The following CCDC91 variants were observed in gnomAD, a reference collection of about 807,000 sequenced individuals.
CCDC91 encodes the protein coiled-coil domain-containing protein 91.
Under a neutral mutation model 63.2 loss-of-function variants are expected in CCDC91, and 48 were observed. The ratio of observed to expected loss-of-function variants is 0.76; its 90% CI spans 0.60 to 0.97. The LOEUF (loss-of-function observed/expected upper bound fraction) is 0.97. Ranked by LOEUF, CCDC91 falls within the 50% of genes least tolerant of loss-of-function variation. CCDC91 has a pLI of 0.00. For missense variants in CCDC91, 500 were observed against 494.6 expected, an observed-to-expected ratio of 1.01 and a Z score of -0.10; for synonymous variants, 167 against 165.8, an observed-to-expected ratio of 1.01 and a Z score of -0.06.
At chr12:28,258,417 A>T (rs1438560898) in intron 2 of CCDC91, among the ~76,000 whole-genome samples, 5 of 152,034 alleles carry the variant, frequency 3.3e-5, no homozygotes, top group African/African-American at 1.2e-4. Context: ...GGAAAAAAAT[A>T]CAGTGGATAG....
chr12:28,412,878 C>A (rs1947405312), intron 8 of CCDC91: 1 of 430,444 alleles, frequency 2.3e-6, no homozygotes, highest in African/African-American at 2.0e-5. Flanking sequence ...TTCCCCAACT[C>A]CCTACTCGAC....
chr12:28,399,280 G>C (rs1946472577), intron 8 of CCDC91, among the ~76,000 whole-genome samples: 1 of 152,092 alleles, frequency 6.6e-6, no homozygotes, highest in South Asian at 2.1e-4. Flanking sequence ...CCGAGCAAAG[G>C]GGGAAAAGCC....
intron 11 of CCDC91, among the ~76,000 whole-genome samples, chr12:28,476,981 A>G (rs1228020903): frequency 2.0e-5 from 3 of 152,146 alleles, no homozygotes; most frequent in Non-Finnish European, 4.4e-5. Context: ...ATAATAATTA[A>G]TAGCTTACCA....
intron 12 of CCDC91, among the ~76,000 whole-genome samples, chr12:28,490,334 G>A (rs1292187250): frequency 2.6e-5 from 4 of 151,776 alleles, no homozygotes; most frequent in Admixed American, 6.6e-5. Context: ...ATATTAAAAA[G>A]CATACTATAC....
chr12:28,332,506 AT>A (rs1400010138), intron 6 of CCDC91, among the ~76,000 whole-genome samples: 2 of 152,222 alleles, frequency 1.3e-5, no homozygotes, highest in Non-Finnish European at 2.9e-5. Context: ...ATACCTGTAT[AT>A]TACCTTTCAT....
intron 7 of CCDC91, among the ~76,000 whole-genome samples, chr12:28,382,411 A>G (rs1410973886): frequency 1.3e-5 from 2 of 152,170 alleles, no homozygotes; most frequent in African/African-American, 4.8e-5. Flanking sequence ...AAAAGTAGGT[A>G]ATTTAACTCT....
At chr12:28,437,932 T>C (rs1948994098) in intron 8 of CCDC91, among the ~76,000 whole-genome samples, 1 of 152,124 alleles carries the variant, frequency 6.6e-6, no homozygotes, top group Admixed American at 6.6e-5. Flanking sequence ...TTAGGCACAT[T>C]ACCATATAAT....
At chr12:28,484,250 T>C in intron 12 of CCDC91, 85 bp downstream of exon 12, 1 of 658,628 alleles carries the variant, frequency 1.5e-6, no homozygotes, top group Non-Finnish European at 2.5e-6. Flanking sequence ...TTGTAAAATA[T>C]TTAAAATGTC....
chr12:28,547,727 T>C (rs1338135754), intron 12 of CCDC91, among the ~76,000 whole-genome samples: 1 of 152,162 alleles, frequency 6.6e-6, no homozygotes, highest in East Asian at 1.9e-4. Context: ...TTCAGTATAG[T>C]TCAATGATTT....
intron 9 of CCDC91, 34 bp from the exon 10 acceptor site, chr12:28,450,316 T>C: frequency 6.3e-7 from 1 of 1,595,330 alleles, no homozygotes; most frequent in Non-Finnish European, 8.6e-7. Context: ...AATAATACAT[T>C]TAATGTCTTT....
intron 1 of CCDC91, among the ~76,000 whole-genome samples, chr12:28,193,436 A>G (rs951845502): frequency 1.3e-5 from 2 of 152,140 alleles, no homozygotes; most frequent in Non-Finnish European, 2.9e-5. Context: ...CTCCGTCTCT[A>G]CTAAAAATAC....
intron 1 of CCDC91, among the ~76,000 whole-genome samples, chr12:28,224,515 T>C (rs1223491625): frequency 2.0e-5 from 3 of 152,152 alleles, no homozygotes; most frequent in African/African-American, 4.8e-5. Flanking sequence ...AGCTTTTTCA[T>C]TGTGCTTTGA....
intron 7 of CCDC91, among the ~76,000 whole-genome samples, chr12:28,364,625 A>G (rs948415568): frequency 6.6e-6 from 1 of 152,210 alleles, no homozygotes; most frequent in Non-Finnish European, 1.5e-5. Context: ...ATAACCATGG[A>G]TGAGAAATGT....
intron 1 of CCDC91, among the ~76,000 whole-genome samples, chr12:28,228,313 A>G (rs751401008): frequency 6.6e-6 from 1 of 152,120 alleles, no homozygotes; most frequent in African/African-American, 2.4e-5. Flanking sequence ...CATGAAGAGT[A>G]AATTACTATC....
Position 28,294,149 on chromosome 12 carries a change from A to G in CCDC91, c.110-11500A>G, listed in dbSNP as rs1949408160. 1.3e-5 allele frequency among the ~76,000 whole-genome samples: 2 copies of G among 152,164 alleles called. 1 individual carries two copies. The highest frequency in any genetic ancestry group is 4.1e-4 in the South Asian group (2 of 4,822). ...CATTTATGAAATGGTTGTTATAGGG[A>G]GGACGAAATAAGTTGACACACACAC... On this transcript the variant is annotated intron_variant, in intron 3 of 12. Transcript: ENST00000536442.
chr12:28,236,867 T>C (rs1301718208), intron 1 of CCDC91: 2 of 152,154 alleles, frequency 1.3e-5, no homozygotes, highest in East Asian at 3.8e-4. Flanking sequence ...AAAAATACTT[T>C]TTTATTTTAT....
intron 11 of CCDC91, among the ~76,000 whole-genome samples, chr12:28,468,354 A>G (rs1462397096): frequency 6.6e-6 from 1 of 151,780 alleles, no homozygotes; most frequent in East Asian, 1.9e-4. Context: ...GAAATTGACA[A>G]ATTTGTAGTT....
chr12:28,491,871 G>A lies in CCDC91; in HGVS notation c.1215+7706G>A, dbSNP rs1353652517. On this transcript the variant is annotated intron_variant, in intron 12 of 12. Transcript: ENST00000536442. ...TAGAAGTCAAAAATTTTGTGTGTGT[G>A]TGTGTGTGTGTGTGTGTGTGTGTGT... 2.5e-4 allele frequency among the ~76,000 whole-genome samples: 36 copies of A among 145,856 alleles called. 1 individual carries two copies. In the East Asian group the frequency reaches 3.4e-3, roughly 14 times the overall value.
chr12:28,418,156 G>C (rs947328388), intron 8 of CCDC91, among the ~76,000 whole-genome samples: 1 of 152,044 alleles, frequency 6.6e-6, no homozygotes, highest in African/African-American at 2.4e-5. Flanking sequence ...CAATGTGGCT[G>C]TACCATTTTG....
Sources: gnomAD v4.1 joint callset for allele counts (sites outside exome capture counted in the v4.1 genomes callset) on GRCh38, gnomAD v4.1.1 for gene constraint, MANE v1.5 for transcripts, NCBI Gene and HGNC (gene_info 2026-07-23, HGNC 2026-07-21) for gene names.